PTPRD: variants seen among roughly 807,000 people sequenced by gnomAD.
The protein encoded by PTPRD is protein tyrosine phosphatase receptor type D.
A neutral mutation model predicts 214.5 loss-of-function variants in PTPRD; 34 were observed. The ratio of observed to expected loss-of-function variants is 0.16; its 90% CI spans 0.12 to 0.21. PTPRD has a LOEUF of 0.21. PTPRD is among the 10% of genes least tolerant of loss of function. The pLI is 1.00. For missense variants in PTPRD, 2,545 were observed against 2,398.7 expected, an observed-to-expected ratio of 1.06 and a Z score of -1.27; for synonymous variants, 1,128 against 845.7, an observed-to-expected ratio of 1.33 and a Z score of -5.79.
At chr9:9,126,722 A>G (rs2154471483) in intron 10 of PTPRD, among the ~76,000 whole-genome samples, 1 of 152,354 alleles carries the variant, frequency 6.6e-6, no homozygotes, top group South Asian at 2.1e-4. Flanking sequence ...TGAAAATTTT[A>G]AGAAGTTCTT....
intron 7 of PTPRD, among the ~76,000 whole-genome samples, chr9:9,598,677 A>AT (rs1285290993): frequency 6.6e-6 from 1 of 151,866 alleles, no homozygotes; most frequent in African/African-American, 2.4e-5. Flanking sequence ...TTTATATCCT[A>AT]TTTTTTCACA....
intron 3 of PTPRD, among the ~76,000 whole-genome samples, chr9:10,251,118 A>T (rs1233591777): frequency 6.6e-6 from 1 of 152,150 alleles, no homozygotes; most frequent in African/African-American, 2.4e-5. Context: ...CTTAAAATTA[A>T]CAGAAAAACA....
chr9:9,194,797 C>T (rs1416771443), intron 9 of PTPRD, among the ~76,000 whole-genome samples: 1 of 151,942 alleles, frequency 6.6e-6, no homozygotes, highest in Non-Finnish European at 1.5e-5. Flanking sequence ...AAACATTTTG[C>T]TTATTACTAA....
intron 3 of PTPRD, among the ~76,000 whole-genome samples, chr9:10,281,099 C>T (rs1394576313): frequency 3.3e-5 from 5 of 152,082 alleles, no homozygotes; most frequent in Admixed American, 1.3e-4. Flanking sequence ...TTGAAGTCTT[C>T]GTATCTCCAA....
chr9:9,986,842 CAT>C (rs1468900520), intron 4 of PTPRD, among the ~76,000 whole-genome samples: 3 of 151,974 alleles, frequency 2.0e-5, no homozygotes, highest in African/African-American at 7.2e-5. Context: ...GTACAATGGG[CAT>C]ATAGTTAACT....
At chr9:9,352,916 T>C (rs1596260676) in intron 9 of PTPRD, among the ~76,000 whole-genome samples, 1 of 152,036 alleles carries the variant, frequency 6.6e-6, no homozygotes, top group South Asian at 2.1e-4. Context: ...TAGAAAACGC[T>C]AAATTTATAA....
In PTPRD at chr9:9,508,818, T is replaced by C. The variant is rs187682949; in HGVS notation, c.-237+65914A>G. ...TCCTATTCTTCAGGACGCAGCAGGA[T>C]TTAACCACTTTTGTGAAATCTTCCT... On this transcript the variant is annotated intron_variant, in intron 8 of 45. Coordinates refer to ENST00000381196, the MANE Select transcript of PTPRD (RefSeq NM_002839.4). 3.0e-3 allele frequency among the ~76,000 whole-genome samples: 454 copies of C among 151,730 alleles called. 4 individuals carry two copies. Among genetic ancestry groups the C allele is most frequent in the South Asian group, 3.1e-3 (15 of 4,818 alleles).
At chr9:8,399,909 T>C (rs1029211808) in intron 36 of PTPRD, among the ~76,000 whole-genome samples, 4 of 152,198 alleles carry the variant, frequency 2.6e-5, no homozygotes, top group African/African-American at 9.6e-5. Context: ...ACTTTTTAAA[T>C]GCTTCCATTT....
intron 11 of PTPRD, among the ~76,000 whole-genome samples, chr9:8,977,347 A>C (rs1430584556): frequency 6.6e-6 from 1 of 152,100 alleles, no homozygotes; most frequent in African/African-American, 2.4e-5. Context: ...AAGATCTCTT[A>C]AAGTCCTGAC....
rs145987165 is a variant in PTPRD, at chr9:9,892,634, A to G, written c.-368+45873T>C. On this transcript the variant is annotated intron_variant, in intron 5 of 45. Coordinates refer to ENST00000381196, the MANE Select transcript of PTPRD (RefSeq NM_002839.4). Reference sequence around the variant, plus strand: ...CAAACTGTTGGGAAATGATCTCACTATGTATTTTAAAGGATCCTAAAATCT... The same window carrying G: ...CAAACTGTTGGGAAATGATCTCACTGTGTATTTTAAAGGATCCTAAAATCT... Among the ~76,000 whole-genome samples the G allele has an allele frequency of 6.0e-4, 92 of 152,156 alleles. 1 individual carries two copies. The highest frequency in any genetic ancestry group is 2.2e-3 in the African/African-American group (91 of 41,536).
intron 8 of PTPRD, among the ~76,000 whole-genome samples, chr9:9,507,633 A>T (rs2096601555): frequency 6.6e-6 from 1 of 151,462 alleles, no homozygotes; most frequent in South Asian, 2.1e-4. Context: ...CAGTCTTGTG[A>T]TTCTATTGAA....
Position 9,058,294 on chromosome 9 carries a change from T to C in PTPRD, c.-142-39559A>G, listed in dbSNP as rs139100388. Among the ~76,000 whole-genome samples the C allele has an allele frequency of 1.8e-4, 27 of 152,176 alleles. No individual in the cohort carries two copies. In the South Asian group the frequency reaches 2.9e-3, roughly 16 times the overall value. On this transcript the variant is annotated intron_variant, in intron 10 of 45. Transcript: ENST00000381196. The stretch of plus-strand genomic sequence containing the variant: ...GTGTCTTATGCAATGTCACAACCCA[T>C]GAAGCATAAAAGGAGCAGTGATAAT...
intron 2 of PTPRD, among the ~76,000 whole-genome samples, chr9:10,472,191 C>T (rs541454487): frequency 6.6e-6 from 1 of 152,146 alleles, no homozygotes; most frequent in African/African-American, 2.4e-5. Context: ...TAGAATAAGT[C>T]TAGAGCAAAA....
At chr9:10,597,213 T>A (rs1280677509) in intron 2 of PTPRD, among the ~76,000 whole-genome samples, 1 of 151,608 alleles carries the variant, frequency 6.6e-6, no homozygotes, top group Non-Finnish European at 1.5e-5. Flanking sequence ...CAAAAACAAT[T>A]TCTCTCCAAA....
intron 7 of PTPRD, among the ~76,000 whole-genome samples, chr9:9,616,569 A>G (rs2094878199): frequency 6.6e-6 from 1 of 152,188 alleles, no homozygotes; most frequent in Admixed American, 6.5e-5. Flanking sequence ...TTTTATTATT[A>G]TATCATGACT....
intron 3 of PTPRD, among the ~76,000 whole-genome samples, chr9:10,243,306 G>A (rs1564745234): frequency 6.6e-6 from 1 of 151,430 alleles, no homozygotes. Context: ...AGTGGCTATT[G>A]CTTTTGAGAC....
chr9:9,021,489 A>C (rs191878789), intron 10 of PTPRD, among the ~76,000 whole-genome samples: 86 of 152,296 alleles, frequency 5.6e-4, no homozygotes, highest in African/African-American at 2.0e-3. Flanking sequence ...TTACTGGTTT[A>C]TGTATTTGCC....
intron 5 of PTPRD, among the ~76,000 whole-genome samples, chr9:9,811,924 G>A (rs2047262217): frequency 6.6e-6 from 1 of 152,074 alleles, no homozygotes; most frequent in African/African-American, 2.4e-5. Flanking sequence ...AATCTTTCAG[G>A]ACAGGAAGAG....
chr9:8,368,860 C>G (rs1316098619), intron 39 of PTPRD, among the ~76,000 whole-genome samples: 2 of 152,062 alleles, frequency 1.3e-5, no homozygotes, highest in Admixed American at 1.3e-4. Flanking sequence ...AAAACAGAAT[C>G]TGGCATAATG....
Sources: gnomAD v4.1 joint callset for allele counts (sites outside exome capture counted in the v4.1 genomes callset) on GRCh38, gnomAD v4.1.1 for gene constraint, MANE v1.5 for transcripts, NCBI Gene and HGNC (gene_info 2026-07-23, HGNC 2026-07-21) for gene names.